Variants in RHOH observed in about 807,000 individuals in gnomAD.
RHOH encodes ras homolog family member H.
A neutral mutation model predicts 13.8 loss-of-function variants in RHOH; 6 were observed. The observed-to-expected ratio is 0.44, with a 90% CI of 0.24 to 0.86. The LOEUF (loss-of-function observed/expected upper bound fraction) is 0.86. Ranked by LOEUF, RHOH falls within the 40% of genes least tolerant of loss-of-function variation. RHOH has a pLI of 0.24. For synonymous variants in RHOH, 117 were observed against 103.0 expected (o/e 1.14, Z -0.82); for missense variants, 147 against 244.5 (o/e 0.60, Z 2.66).
At chr4:40,208,589 A>T (rs1430571495) in intron 1 of RHOH, among the ~76,000 whole-genome samples, 1 of 152,116 alleles carries the variant, frequency 6.6e-6, no homozygotes, top group Non-Finnish European at 1.5e-5. Flanking sequence ...ATTATTTTGA[A>T]TTTTTTTAGG....
At chr4:40,219,061 T>A (rs1726218145) in intron 1 of RHOH, among the ~76,000 whole-genome samples, 1 of 152,192 alleles carries the variant, frequency 6.6e-6, no homozygotes, top group Non-Finnish European at 1.5e-5. Context: ...TACAATCTAT[T>A]ACTAAGTGAG....
chr4:40,232,133 CTG>C (rs1728017342), intron 1 of RHOH, among the ~76,000 whole-genome samples: 1 of 152,216 alleles, frequency 6.6e-6, no homozygotes, highest in Admixed American at 6.5e-5. Context: ...AAGGCAGAAG[CTG>C]TGTTTTCTTT....
chr4:40,217,340 T>A (rs1436852110), intron 1 of RHOH, among the ~76,000 whole-genome samples: 1 of 152,240 alleles, frequency 6.6e-6, no homozygotes, highest in Admixed American at 6.5e-5. Context: ...GTGTTTGTAT[T>A]TTCTTTTACA....
chr4:40,217,399 A>G (rs1726015071), intron 1 of RHOH, among the ~76,000 whole-genome samples: 1 of 152,142 alleles, frequency 6.6e-6, no homozygotes, highest in Non-Finnish European at 1.5e-5. Context: ...TAGAAGTGGT[A>G]TATGTCTGTG....
intron 1 of RHOH, among the ~76,000 whole-genome samples, chr4:40,231,970 A>G (rs1399912784): frequency 1.3e-5 from 2 of 152,228 alleles, no homozygotes; most frequent in African/African-American, 4.8e-5. Context: ...TTTAAGGGTC[A>G]TGTTCTAATA....
At position 40,197,157 on chromosome 4, in the gene RHOH, G is replaced by A. The variant is rs886563970; in HGVS notation, c.-474G>A. ...TGAATCAGTTAATATTCTCGGGAAC[G>A]AGGGAGAGGTTGATCCTATGAGGAA... On this transcript the variant is annotated 5_prime_UTR_variant, in exon 1 of 3. Transcript: ENST00000381799. 1 of 152,238 alleles carries A rather than the reference G, an allele frequency of 6.6e-6. No individual in the cohort carries two copies. The highest frequency in any genetic ancestry group is 1.5e-5 in the Non-Finnish European group (1 of 68,050). The allele number at this position is 152,238 out of a possible 1,614,324, so 9.4% of individuals were successfully genotyped here. A position where few individuals can be genotyped will look rare whatever the true frequency, so the allele number is the denominator to read the frequency against.
chr4:40,244,189 T>A lies in RHOH; in HGVS notation c.*227T>A. ...AGTTAGAAAATCCCTTGGGGAACTGTGATGAATATTCCATCTTTGATTAAA... is the reference window on the plus strand; with the variant it reads ...AGTTAGAAAATCCCTTGGGGAACTGAGATGAATATTCCATCTTTGATTAAA... On this transcript the variant is annotated 3_prime_UTR_variant, in exon 3 of 3. Coordinates refer to ENST00000381799, the MANE Select transcript of RHOH (RefSeq NM_004310.5). 2.3e-6 allele frequency: 1 copy of A among 428,060 alleles called. No individual in the cohort carries two copies. 26.5% of individuals were successfully genotyped at this position (428,060 alleles called of 1,614,324 possible).
At chr4:40,200,123 G>T (rs1723770331) in intron 1 of RHOH, among the ~76,000 whole-genome samples, 1 of 152,168 alleles carries the variant, frequency 6.6e-6, no homozygotes, top group South Asian at 2.1e-4. Flanking sequence ...GCTGGGGTGG[G>T]CTGTGAGAGC....
At chr4:40,214,396 T>G (rs1725644332) in intron 1 of RHOH, among the ~76,000 whole-genome samples, 1 of 152,200 alleles carries the variant, frequency 6.6e-6, no homozygotes, top group Non-Finnish European at 1.5e-5. Context: ...TGGGCTCTTT[T>G]GTATTTCTTT....
rs1334378753 is a variant in RHOH, at chr4:40,243,158, C to T, written c.-209-20C>T. 2.3e-6 allele frequency: 1 copy of T among 435,202 alleles called. No homozygotes were observed. The allele number at this position is 435,202 out of a possible 1,614,324, so 27.0% of individuals were successfully genotyped here. A position where few individuals can be genotyped will look rare whatever the true frequency, so the allele number is the denominator to read the frequency against. ...GAAAGAAAGAAAGACTTCATTTTCC[C>T]CCTTCTCTTTCTGTTCCAGTTGAAG... On this transcript the variant is annotated intron_variant, in intron 2 of 2. Coordinates refer to ENST00000381799, the MANE Select transcript of RHOH (RefSeq NM_004310.5). This position sits in a 1 kb window ranked among gnomAD's most constrained non-coding sequence, Gnocchi z 6.2.
intron 1 of RHOH, among the ~76,000 whole-genome samples, chr4:40,219,263 T>C (rs1579282259): frequency 6.6e-6 from 1 of 152,010 alleles, no homozygotes; most frequent in East Asian, 1.9e-4. Context: ...AATACAAAAA[T>C]TAGCTGGGCA....
Position 40,230,544 on chromosome 4 carries a change from C to T in RHOH, c.-330-12170C>T, listed in dbSNP as rs574444515. On this transcript the variant is annotated intron_variant, in intron 1 of 2. Coordinates refer to ENST00000381799, the MANE Select transcript of RHOH (RefSeq NM_004310.5). Reference sequence around the variant, plus strand: ...GTAGAGATGGGGTTTCGCCATGTTGCGGCTAGTTCAAGACTATCCGCAACA... The same window carrying T: ...GTAGAGATGGGGTTTCGCCATGTTGTGGCTAGTTCAAGACTATCCGCAACA... Among the ~76,000 whole-genome samples the T allele has an allele frequency of 1.0e-4, 15 of 149,152 alleles. No homozygotes were observed. In the East Asian group the frequency reaches 1.5e-3, roughly 14 times the overall value.
chr4:40,215,227 G>A (rs544883051), intron 1 of RHOH, among the ~76,000 whole-genome samples: 11 of 152,266 alleles, frequency 7.2e-5, no homozygotes, highest in South Asian at 4.1e-4. Context: ...CTGAGAATGA[G>A]GGAAATAGGA....
intron 1 of RHOH, among the ~76,000 whole-genome samples, chr4:40,229,533 C>T (rs953413432): frequency 2.0e-5 from 3 of 151,022 alleles, no homozygotes; most frequent in African/African-American, 7.3e-5. Flanking sequence ...ACTCGGGAGG[C>T]TGAGGCAGGA....
intron 1 of RHOH, among the ~76,000 whole-genome samples, chr4:40,204,251 G>A (rs766240435): frequency 6.6e-6 from 1 of 152,106 alleles, no homozygotes; most frequent in Non-Finnish European, 1.5e-5. Flanking sequence ...ATTCCCCATC[G>A]TCAGGGCCTC....
upstream of RHOH, among the ~76,000 whole-genome samples, chr4:40,193,384 G>A (rs931559169): frequency 6.6e-6 from 1 of 152,148 alleles, no homozygotes; most frequent in African/African-American, 2.4e-5. Context: ...GCTTGGGTGC[G>A]TGTATGTCTG....
At chr4:40,206,157 T>G (rs1474979916) in intron 1 of RHOH, among the ~76,000 whole-genome samples, 1 of 152,258 alleles carries the variant, frequency 6.6e-6, no homozygotes, top group Non-Finnish European at 1.5e-5. Flanking sequence ...TAGTTGCCCA[T>G]GCAGAGAATG....
chr4:40,231,887 T>C (rs913506985), intron 1 of RHOH, among the ~76,000 whole-genome samples: 1 of 152,244 alleles, frequency 6.6e-6, no homozygotes, highest in Admixed American at 6.5e-5. Context: ...CCTCTCACCC[T>C]TCTAGGTGCC....
chr4:40,240,870 C>G (rs1729156782), intron 1 of RHOH, among the ~76,000 whole-genome samples: 2 of 151,626 alleles, frequency 1.3e-5, no homozygotes, highest in South Asian at 4.2e-4. Context: ...TCAAATAAAA[C>G]TTAAGGCCAG....
Sources: allele counts gnomAD v4.1 joint callset (sites outside exome capture counted in the v4.1 genomes callset), GRCh38; gene constraint gnomAD v4.1.1; non-coding constraint Gnocchi (gnomAD v3.1); transcripts MANE v1.5; gene names NCBI Gene and HGNC (gene_info 2026-07-23, HGNC 2026-07-21).